CACNA2D1: variants seen among roughly 807,000 people sequenced by gnomAD.
The protein encoded by CACNA2D1 is voltage-dependent calcium channel subunit alpha-2/delta-1.
A neutral mutation model predicts 171.5 loss-of-function variants in CACNA2D1; 53 were observed. That is an observed-to-expected ratio of 0.31 (90% confidence interval 0.25 to 0.39). The LOEUF is 0.39. CACNA2D1 is among the 10% of genes least tolerant of loss of function. The pLI is 1.00. For missense variants in CACNA2D1, 903 were observed against 1,299.8 expected, an observed-to-expected ratio of 0.69 and a Z score of 4.69; for synonymous variants, 442 against 443.1, an observed-to-expected ratio of 1.00 and a Z score of 0.03.
At chr7:81,951,968 T>TG (rs1237410479) in intron 38 of CACNA2D1, among the ~76,000 whole-genome samples, 2 of 94,768 alleles carry the variant, frequency 2.1e-5, no homozygotes, top group Non-Finnish European at 4.4e-5. Context: ...GTGTACAAAG[T>TG]GTTTTTTTTT....
In CACNA2D1 at chr7:82,257,354, C is replaced by T. The variant is rs928616215; in HGVS notation, c.294+77781G>A. Reference sequence around the variant, plus strand: ...TTTTTACCACTAATCATATACATTACCCCTGTCTTGACACTGAAAACACAC... The same window carrying T: ...TTTTTACCACTAATCATATACATTATCCCTGTCTTGACACTGAAAACACAC... On this transcript the variant is annotated intron_variant, in intron 3 of 38. Transcript: ENST00000356860. 2.0e-5 allele frequency among the ~76,000 whole-genome samples: 3 copies of T among 152,278 alleles called. No individual in the cohort carries two copies. In the South Asian group the frequency reaches 6.2e-4, roughly 32 times the overall value.
At chr7:81,996,537 C>T (rs540245343) in intron 19 of CACNA2D1, among the ~76,000 whole-genome samples, 9 of 151,864 alleles carry the variant, frequency 5.9e-5, no homozygotes, top group African/African-American at 1.7e-4. Context: ...ACTATTTGAC[C>T]TCTCTGTACC....
chr7:82,183,020 G>C (rs945121116), intron 3 of CACNA2D1, among the ~76,000 whole-genome samples: 1 of 142,972 alleles, frequency 7.0e-6, no homozygotes, highest in Non-Finnish European at 1.5e-5. Context: ...CCGGGCAATA[G>C]TGTGAGACTC....
intron 1 of CACNA2D1, among the ~76,000 whole-genome samples, chr7:82,430,952 T>C (rs1829620895): frequency 6.6e-6 from 1 of 152,214 alleles, no homozygotes; most frequent in Admixed American, 6.5e-5. Flanking sequence ...TAAAAATAGA[T>C]TCACTCTCTG....
chr7:82,247,328 G>T (rs145592205), intron 3 of CACNA2D1, among the ~76,000 whole-genome samples: 2,148 of 151,950 alleles, frequency 0.014, 33 homozygotes, highest in Middle Eastern at 0.061. Context: ...TGGGCAACAT[G>T]GCAAAACCCT....
At chr7:81,990,915 T>C (rs1207492683) in intron 21 of CACNA2D1, among the ~76,000 whole-genome samples, 1 of 152,190 alleles carries the variant, frequency 6.6e-6, no homozygotes, top group East Asian at 1.9e-4. Flanking sequence ...TCAGTGAAAG[T>C]GAACCCTACA....
chr7:82,239,487 TAAC>T (rs1803998889), intron 3 of CACNA2D1, among the ~76,000 whole-genome samples: 1 of 152,164 alleles, frequency 6.6e-6, no homozygotes. Context: ...TTAGTAGTGA[TAAC>T]AATAGTAGGT....
intron 18 of CACNA2D1, among the ~76,000 whole-genome samples, chr7:82,003,992 G>A (rs1171981460): frequency 6.6e-6 from 1 of 152,020 alleles, no homozygotes; most frequent in Non-Finnish European, 1.5e-5. Flanking sequence ...TGATCTGCCC[G>A]CCTGGGCCTC....
intron 8 of CACNA2D1, among the ~76,000 whole-genome samples, chr7:82,065,865 T>C: frequency 6.6e-6 from 1 of 152,298 alleles, no homozygotes; most frequent in East Asian, 1.9e-4. Context: ...AATACATTTT[T>C]AAAAAGCAAA....
intron 6 of CACNA2D1, among the ~76,000 whole-genome samples, chr7:82,114,612 C>G (rs543487704): frequency 3.3e-5 from 5 of 151,808 alleles, no homozygotes; most frequent in Non-Finnish European, 1.5e-5. Flanking sequence ...AAAAATTAGC[C>G]GGGCATGGTG....
At chr7:82,171,685 G>A (rs564100824) in intron 3 of CACNA2D1, among the ~76,000 whole-genome samples, 1 of 152,234 alleles carries the variant, frequency 6.6e-6, no homozygotes, top group East Asian at 1.9e-4. Flanking sequence ...GGATCCCCTA[G>A]AGAAAATAGT....
intron 4 of CACNA2D1, among the ~76,000 whole-genome samples, chr7:82,167,468 T>C (rs1260847375): frequency 6.6e-6 from 1 of 152,038 alleles, no homozygotes; most frequent in East Asian, 1.9e-4. Context: ...GAGGAATGTA[T>C]TATTTTTGTA....
At chr7:82,141,589 G>T (rs1792399054) in intron 4 of CACNA2D1, among the ~76,000 whole-genome samples, 1 of 152,112 alleles carries the variant, frequency 6.6e-6, no homozygotes, top group African/African-American at 2.4e-5. Context: ...ACGTATTGGA[G>T]AAACGAAGAT....
At chr7:81,965,996 T>A (rs541195564) in intron 31 of CACNA2D1, among the ~76,000 whole-genome samples, 1 of 151,806 alleles carries the variant, frequency 6.6e-6, no homozygotes, top group South Asian at 2.1e-4. Flanking sequence ...AATTATTTAA[T>A]AATGAGTAAC....
chr7:82,302,211 T>C (rs377272197), intron 3 of CACNA2D1, among the ~76,000 whole-genome samples: 1 of 152,182 alleles, frequency 6.6e-6, no homozygotes, highest in Admixed American at 6.5e-5. Context: ...TGATTTTTCA[T>C]ATAAAAAATG....
intron 6 of CACNA2D1, among the ~76,000 whole-genome samples, chr7:82,107,511 G>T (rs1237996778): frequency 6.6e-6 from 1 of 151,560 alleles, no homozygotes; most frequent in South Asian, 2.1e-4. Flanking sequence ...GCTTCCATTA[G>T]CTCTTCACTA....
At chr7:82,005,881 T>G (rs780440176) in intron 16 of CACNA2D1, 42 bp from the exon 17 acceptor site, 21 of 1,059,786 alleles carry the variant, frequency 2.0e-5, no homozygotes, top group Non-Finnish European at 3.1e-5. Flanking sequence ...TGTCAAAAAT[T>G]TACGTATTTT....
intron 3 of CACNA2D1, among the ~76,000 whole-genome samples, chr7:82,286,227 G>C (rs1393308025): frequency 6.6e-6 from 1 of 152,046 alleles, no homozygotes; most frequent in East Asian, 1.9e-4. Context: ...TTGGAAGAAA[G>C]GGTCCCAAGC....
At chr7:82,385,059 C>G (rs994153860) in intron 1 of CACNA2D1, among the ~76,000 whole-genome samples, 1 of 152,138 alleles carries the variant, frequency 6.6e-6, no homozygotes, top group Non-Finnish European at 1.5e-5. Flanking sequence ...CTTCCTTGTC[C>G]CAACATCTTT....
Sources: gnomAD v4.1 joint callset for allele counts (sites outside exome capture counted in the v4.1 genomes callset) on GRCh38, gnomAD v4.1.1 for gene constraint, MANE v1.5 for transcripts, NCBI Gene and HGNC (gene_info 2026-07-23, HGNC 2026-07-21) for gene names.